Variants in SUGCT observed in about 807,000 individuals in gnomAD.
The protein encoded by SUGCT is succinyl-CoA:glutarate CoA-transferase.
SUGCT carries 41 observed loss-of-function variants against 55.0 expected under a neutral mutation model. That is an observed-to-expected ratio of 0.74 (90% CI 0.58 to 0.97). SUGCT has a LOEUF of 0.97. Ranked by LOEUF, SUGCT falls within the 50% of genes least tolerant of loss-of-function variation. The pLI is 0.00. For missense variants in SUGCT, 568 were observed against 547.8 expected, an observed-to-expected ratio of 1.04 and a Z score of -0.37; for synonymous variants, 187 against 200.4, an observed-to-expected ratio of 0.93 and a Z score of 0.56.
intron 13 of SUGCT, among the ~76,000 whole-genome samples, chr7:40,803,436 C>T (rs1790923947): frequency 1.3e-5 from 2 of 152,134 alleles, no homozygotes; most frequent in South Asian, 4.1e-4. Flanking sequence ...GAGCATGTGG[C>T]AGAGCCAGAT....
At chr7:40,614,955 C>T (rs1470483205) in intron 12 of SUGCT, among the ~76,000 whole-genome samples, 1 of 151,594 alleles carries the variant, frequency 6.6e-6, no homozygotes, top group East Asian at 1.9e-4. Flanking sequence ...ACTTGGGAGG[C>T]TGAGGTGAGA....
chr7:40,566,054 C>T (rs1796130059), intron 12 of SUGCT, among the ~76,000 whole-genome samples: 1 of 151,602 alleles, frequency 6.6e-6, no homozygotes, highest in Admixed American at 6.6e-5. Flanking sequence ...TCAGGTGTTC[C>T]TGGCCATAAT....
At position 40,684,054 on chromosome 7, in the gene SUGCT, A is replaced by G. The variant is rs754299823; in HGVS notation, c.1090-65380A>G. ...TCTGTTTTCTTTGCTGGTTGTCAATAGAACGCTGTCTCTGGCTTCCAAAGC... is the reference window on the plus strand; with the variant it reads ...TCTGTTTTCTTTGCTGGTTGTCAATGGAACGCTGTCTCTGGCTTCCAAAGC... On this transcript the variant is annotated intron_variant, in intron 12 of 13. Coordinates refer to ENST00000335693, the MANE Select transcript of SUGCT (RefSeq NM_001193313.2). 6 of 1,612,588 alleles carry G rather than the reference A, an allele frequency of 3.7e-6. No homozygotes were observed. In the South Asian group the frequency reaches 4.4e-5, roughly 12 times the overall value.
chr7:40,657,875 C>A (rs1311292394), intron 12 of SUGCT, among the ~76,000 whole-genome samples: 1 of 152,146 alleles, frequency 6.6e-6, no homozygotes, highest in African/African-American at 2.4e-5. Context: ...GATGAAGGAC[C>A]TAACGTGAAA....
intron 7 of SUGCT, among the ~76,000 whole-genome samples, chr7:40,267,453 G>A (rs1032261489): frequency 6.6e-6 from 1 of 152,098 alleles, no homozygotes; most frequent in Non-Finnish European, 1.5e-5. Flanking sequence ...AATAAATTAT[G>A]GTGAGATTCT....
chr7:40,227,303 G>A (rs1280778129), intron 6 of SUGCT, among the ~76,000 whole-genome samples: 2 of 151,928 alleles, frequency 1.3e-5, no homozygotes, highest in Non-Finnish European at 2.9e-5. Context: ...CCCCCGCTTG[G>A]CCTCCCAAAG....
chr7:40,373,096 A>G (rs997000628), intron 9 of SUGCT, among the ~76,000 whole-genome samples: 3 of 151,966 alleles, frequency 2.0e-5, no homozygotes, highest in African/African-American at 7.2e-5. Flanking sequence ...ATAGGTGAAA[A>G]TTGTTGCTAG....
At chr7:40,561,950 A>C (rs1000633235) in intron 12 of SUGCT, among the ~76,000 whole-genome samples, 1 of 148,212 alleles carries the variant, frequency 6.7e-6, no homozygotes, top group South Asian at 2.3e-4. Context: ...TCAGCCTCCC[A>C]AAGTGCTGGA....
intron 1 of SUGCT, among the ~76,000 whole-genome samples, chr7:40,173,150 A>G (rs1011421996): frequency 2.6e-5 from 4 of 152,166 alleles, no homozygotes; most frequent in Admixed American, 1.3e-4. Flanking sequence ...AGTGAGTGTT[A>G]CACCTCTGTT....
chr7:40,270,823 T>A (rs964483564), intron 7 of SUGCT, among the ~76,000 whole-genome samples: 1 of 152,184 alleles, frequency 6.6e-6, no homozygotes, highest in Non-Finnish European at 1.5e-5. Context: ...AGTCTTCTGC[T>A]CCATGACTGT....
At chr7:40,238,070 G>A (rs2150878542) in intron 7 of SUGCT, among the ~76,000 whole-genome samples, 1 of 152,208 alleles carries the variant, frequency 6.6e-6, no homozygotes, top group African/African-American at 2.4e-5. Flanking sequence ...GTGTGATTTA[G>A]GAATATTCCC....
chr7:40,366,123 A>G (rs1294915275), intron 9 of SUGCT, among the ~76,000 whole-genome samples: 2 of 152,190 alleles, frequency 1.3e-5, no homozygotes, highest in East Asian at 3.9e-4. Flanking sequence ...ATCTACAACT[A>G]TCCGATCTTT....
chr7:40,716,892 A>C (rs1398873264), intron 12 of SUGCT, among the ~76,000 whole-genome samples: 1 of 152,176 alleles, frequency 6.6e-6, no homozygotes, highest in Non-Finnish European at 1.5e-5. Flanking sequence ...TCTAACTGTG[A>C]TATACCATGA....
intron 9 of SUGCT, among the ~76,000 whole-genome samples, chr7:40,448,755 G>A (rs1789002517): frequency 6.6e-6 from 1 of 152,154 alleles, no homozygotes; most frequent in Non-Finnish European, 1.5e-5. Flanking sequence ...TGGGGCAGGA[G>A]GATTGCTTAA....
intron 13 of SUGCT, among the ~76,000 whole-genome samples, chr7:40,857,714 T>A (rs1208217562): frequency 2.0e-5 from 3 of 152,098 alleles, no homozygotes; most frequent in Non-Finnish European, 4.4e-5. Flanking sequence ...AAAAATATTA[T>A]GTTAAGTGAA....
chr7:40,649,838 C>G (rs368981836), intron 12 of SUGCT, among the ~76,000 whole-genome samples: 1 of 152,180 alleles, frequency 6.6e-6, no homozygotes, highest in Admixed American at 6.5e-5. Context: ...TTTTCTTACT[C>G]TTAAATTTAT....
chr7:40,791,925 C>T (rs1330572562), intron 13 of SUGCT, among the ~76,000 whole-genome samples: 1 of 151,982 alleles, frequency 6.6e-6, no homozygotes, highest in Non-Finnish European at 1.5e-5. Flanking sequence ...ATCTTATTTC[C>T]CTCTTTTGTT....
At chr7:40,191,269 G>A (rs1044356068) in intron 5 of SUGCT, among the ~76,000 whole-genome samples, 2 of 151,944 alleles carry the variant, frequency 1.3e-5, no homozygotes, top group African/African-American at 4.8e-5. Context: ...CACCCGCCTC[G>A]GCCTCTCAAA....
At chr7:40,322,556 T>A (rs1270615144) in intron 9 of SUGCT, among the ~76,000 whole-genome samples, 1 of 152,158 alleles carries the variant, frequency 6.6e-6, no homozygotes, top group Non-Finnish European at 1.5e-5. Flanking sequence ...GCTCACAGTT[T>A]ATTGTGCTCC....
Sources: gnomAD v4.1 joint callset for allele counts (sites outside exome capture counted in the v4.1 genomes callset) on GRCh38, gnomAD v4.1.1 for gene constraint, MANE v1.5 for transcripts, NCBI Gene and HGNC (gene_info 2026-07-23, HGNC 2026-07-21) for gene names.